HDLBP: variants seen among roughly 807,000 people sequenced by gnomAD.
HDLBP encodes the protein vigilin.
HDLBP carries 30 observed loss-of-function variants against 137.3 expected under a neutral mutation model. That is an observed-to-expected ratio of 0.22 (90% CI 0.16 to 0.30). HDLBP has a LOEUF of 0.30. HDLBP is among the 10% of genes least tolerant of loss of function. The probability of loss-of-function intolerance (pLI) is 1.00; values close to 1 mark genes in which losing one functional copy is unlikely to be tolerated. For synonymous variants in HDLBP, 606 were observed against 596.0 expected (o/e 1.02, Z -0.24); for missense variants, 1,119 against 1,667.3 (o/e 0.67, Z 5.73).
At chr2:241,289,957 TA>T (rs112233392) in intron 1 of HDLBP, among the ~76,000 whole-genome samples, 167 of 142,624 alleles carry the variant, frequency 1.2e-3, no homozygotes, top group Middle Eastern at 3.5e-3. Context: ...CATAAAAAGC[TA>T]AAAAAAAAAA....
At position 241,227,471 on chromosome 2, in the gene HDLBP, C is replaced by T. The variant is rs1574811644; in HGVS notation, c.*2130G>A. 6.6e-6 allele frequency: 1 copy of T among 152,574 alleles called. No individual in the cohort carries two copies. Among genetic ancestry groups the T allele is most frequent in the East Asian group, 1.9e-4 (1 of 5,192 alleles). The allele number at this position is 152,574 out of a possible 1,614,324, so 9.5% of individuals were successfully genotyped here. On this transcript the variant is annotated 3_prime_UTR_variant, in exon 28 of 28. Transcript: ENST00000310931. ...AAGGAGGAAAAGCACACGCACGCCTCACCCCTGCCTCATCTCTGCCCAGGG... is the reference window on the plus strand; with the variant it reads ...AAGGAGGAAAAGCACACGCACGCCTTACCCCTGCCTCATCTCTGCCCAGGG...
chr2:241,270,776 G>A (rs564245583), intron 1 of HDLBP, among the ~76,000 whole-genome samples: 1 of 152,250 alleles, frequency 6.6e-6, no homozygotes, highest in African/African-American at 2.4e-5. Context: ...TGTTCCATGT[G>A]GATCTTTCAG....
At chr2:241,253,635 C>T in intron 9 of HDLBP, 138 bp from the exon 10 acceptor site, 1 of 646,838 alleles carries the variant, frequency 1.5e-6, no homozygotes, top group Non-Finnish European at 2.8e-6. Flanking sequence ...AGGGACATAT[C>T]CACAGCCATC....
At chr2:241,277,883 C>A (rs868339988) in intron 1 of HDLBP, among the ~76,000 whole-genome samples, 1 of 152,036 alleles carries the variant, frequency 6.6e-6, no homozygotes, top group Non-Finnish European at 1.5e-5. Flanking sequence ...ATCGCTTGTA[C>A]CTGGGAGGTG....
intron 11 of HDLBP, 123 bp from the exon 12 acceptor site, chr2:241,250,103 C>T (rs1212637563): frequency 4.2e-6 from 4 of 952,580 alleles, no homozygotes; most frequent in Admixed American, 2.7e-5. Flanking sequence ...TCACCAAAAA[C>T]GATGCTTAGC....
chr2:241,255,637 T>G, intron 7 of HDLBP, 57 bp from the exon 8 acceptor site: 1 of 1,382,778 alleles, frequency 7.2e-7, no homozygotes. Context: ...AGCGGGCAGG[T>G]GGGCATGGCC....
rs958427301 is a variant in HDLBP, at chr2:241,236,989, G to C, written c.2750-220C>G. 8.6e-5 allele frequency among the ~76,000 whole-genome samples: 13 copies of C among 150,468 alleles called. 1 individual carries two copies. The highest frequency in any genetic ancestry group is 3.9e-4 in the East Asian group (2 of 5,158). The stretch of plus-strand genomic sequence containing the variant: ...GGCTCCCAGACCTTGGGGGGGGGGG[G>C]GGGGGCGGCAATGAAGGCTTTGCCG... On this transcript the variant is annotated intron_variant, in intron 20 of 27. Coordinates refer to ENST00000310931, the MANE Select transcript of HDLBP (RefSeq NM_005336.6).
intron 1 of HDLBP, among the ~76,000 whole-genome samples, chr2:241,292,402 T>C (rs983775127): frequency 3.3e-5 from 5 of 152,210 alleles, no homozygotes; most frequent in African/African-American, 9.6e-5. Context: ...CTGCAAGCTA[T>C]AGATTTTCAA....
intron 2 of HDLBP, chr2:241,267,532 T>A (rs765038739): frequency 6.6e-7 from 1 of 1,513,642 alleles, no homozygotes; most frequent in South Asian, 1.2e-5. Context: ...AGGATCGTTC[T>A]CCTAACAGCG....
intron 1 of HDLBP, among the ~76,000 whole-genome samples, chr2:241,312,439 G>C (rs1373235749): frequency 6.6e-6 from 1 of 152,174 alleles, no homozygotes; most frequent in East Asian, 1.9e-4. Context: ...ATGAAAAAAG[G>C]TTCTTTTCAT....
rs1004926195 is a variant in HDLBP at position 241,291,539 on chromosome 2, A to G, written c.-102-22998T>C. Among the ~76,000 whole-genome samples the G allele has an allele frequency of 2.0e-5, 3 of 152,346 alleles. No individual in the cohort carries two copies. In the East Asian group the frequency reaches 5.8e-4, roughly 29 times the overall value. Reference sequence around the variant, plus strand: ...GAAGCTATTAGTTCCAGTGCATCCTAAACACTGATAAAGGAAAGAAATCAT... The same window carrying G: ...GAAGCTATTAGTTCCAGTGCATCCTGAACACTGATAAAGGAAAGAAATCAT... On this transcript the variant is annotated intron_variant, in intron 1 of 27. Coordinates refer to ENST00000310931, the MANE Select transcript of HDLBP (RefSeq NM_005336.6).
At chr2:241,241,717 A>C (rs1260794588) in intron 17 of HDLBP, among the ~76,000 whole-genome samples, 1 of 152,164 alleles carries the variant, frequency 6.6e-6, no homozygotes, top group Non-Finnish European at 1.5e-5. Context: ...AAATGGAAAA[A>C]AAGTGCCATT....
intron 14 of HDLBP, among the ~76,000 whole-genome samples, 159 bp downstream of exon 14, chr2:241,247,844 G>A (rs1180041201): frequency 2.6e-5 from 4 of 152,132 alleles, no homozygotes; most frequent in East Asian, 1.9e-4. Context: ...GTGAGAAGCC[G>A]TCACCACTTT....
At position 241,228,968 on chromosome 2, in the gene HDLBP, T is replaced by C; in HGVS notation, c.*633A>G. The C allele has an allele frequency of 6.5e-6, 1 of 152,950 alleles. No individual in the cohort carries two copies. The highest frequency in any genetic ancestry group is 1.5e-5 in the Non-Finnish European group (1 of 68,648). 9.5% of individuals were successfully genotyped at this position (152,950 alleles called of 1,614,324 possible). On this transcript the variant is annotated 3_prime_UTR_variant, in exon 28 of 28. Transcript: ENST00000310931. ...TGGAGGTAGGGGCAGGGACCCTTGG[T>C]GCTTTCAGACCCCACGGCAGGTAAA...
At position 241,249,945 on chromosome 2, in the gene HDLBP, G is replaced by C; in HGVS notation, c.1408C>G (p.Arg470Gly). ...CTCTTCTCACTGTCAGGAGGGATGCGCACGGACACCTTGTACTGGTCTTTG... is the reference window on the plus strand; with the variant it reads ...CTCTTCTCACTGTCAGGAGGGATGCCCACGGACACCTTGTACTGGTCTTTG... ...RIKDQYKVSV[R>G]IPPDSEKSNL... The change falls in exon 12 of 28, where the codon CGC becomes GGC. Residue 470 changes from arginine (R) to glycine (G), a missense_variant. Physicochemically the swap from Arg to Gly is moderately radical, Grantham distance 125. Around this residue, in one of 4 missense-constraint regions of HDLBP, gnomAD observed 425 missense variants for 693.9 expected, o/e 0.61. Coordinates refer to ENST00000310931, the MANE Select transcript of HDLBP (RefSeq NM_005336.6). 6.2e-7 allele frequency: 1 copy of C among 1,613,186 alleles called. No individual in the cohort carries two copies. Among genetic ancestry groups the C allele is most frequent in the Non-Finnish European group, 8.5e-7 (1 of 1,179,608 alleles).
At chr2:241,309,538 G>A (rs916340002) in intron 1 of HDLBP, among the ~76,000 whole-genome samples, 19 of 152,196 alleles carry the variant, frequency 1.2e-4, no homozygotes, top group Admixed American at 1.3e-4. Flanking sequence ...TATCGGCAAT[G>A]GGGAAGGCCA....
chr2:241,234,630 C>A (rs147304727), intron 23 of HDLBP, among the ~76,000 whole-genome samples: 401 of 152,366 alleles, frequency 2.6e-3, no homozygotes, highest in African/African-American at 9.3e-3. Context: ...CAAATGTCAG[C>A]CCTGCCAGAG....
chr2:241,312,353 A>AT (rs1393425709), intron 1 of HDLBP, among the ~76,000 whole-genome samples: 1 of 152,228 alleles, frequency 6.6e-6, no homozygotes, highest in Non-Finnish European at 1.5e-5. Flanking sequence ...CCTACTAGGG[A>AT]TTTCACTTCT....
At position 241,239,758 on chromosome 2, in the gene HDLBP, G is replaced by A; in HGVS notation, c.2454C>T (p.Arg818=). Residue 818 remains arginine, a synonymous_variant, in exon 19 of 28, where the codon CGC becomes CGT. Transcript: ENST00000310931. The surrounding 1 kb of genome is among the most constrained non-coding windows in gnomAD (Gnocchi z 4.6). ...DPKHHRHFVI[R]RGQVLREIAE... is the part of the protein sequence containing the mutation. ...CAATCTCCCGCAAGACCTGGCCTCT[G>A]CGGATGACGAAGTGGCGGTGGTGCT... 1 of 1,614,166 alleles carries A rather than the reference G, an allele frequency of 6.2e-7. No homozygotes were observed. The highest frequency in any genetic ancestry group is 8.5e-7 in the Non-Finnish European group (1 of 1,180,034).
Sources: gnomAD v4.1 joint callset for allele counts (sites outside exome capture counted in the v4.1 genomes callset) on GRCh38, gnomAD v4.1.1 for gene constraint, gnomAD v4.1.1 regional missense constraint, Gnocchi (gnomAD v3.1) non-coding constraint, MANE v1.5 for transcripts, NCBI Gene and HGNC (gene_info 2026-07-23, HGNC 2026-07-21) for gene names.